Variants in ANK2 observed in about 807,000 individuals in gnomAD.
The protein encoded by ANK2 is ankyrin-2.
Under a neutral mutation model 360.5 loss-of-function variants are expected in ANK2, and 83 were observed. The ratio of observed to expected loss-of-function variants is 0.23; its 90% confidence interval spans 0.19 to 0.28. The LOEUF (loss-of-function observed/expected upper bound fraction) is 0.28. Ranked by LOEUF, ANK2 falls within the 10% of genes least tolerant of loss-of-function variation. ANK2 has a pLI of 1.00. For missense variants in ANK2, 4,201 were observed against 4,795.7 expected, an observed-to-expected ratio of 0.88 and a Z score of 3.66; for synonymous variants, 1,740 against 1,759.5, an observed-to-expected ratio of 0.99 and a Z score of 0.28.
At chr4:113,289,209 C>G (rs937046137) in intron 20 of ANK2, among the ~76,000 whole-genome samples, 1 of 117,484 alleles carries the variant, frequency 8.5e-6, no homozygotes, top group Non-Finnish European at 1.8e-5. Context: ...TCAGAAATTT[C>G]TTTTTCTTTT....
At position 113,336,743 on chromosome 4, in the gene ANK2, G is replaced by T. The variant is rs1258421684; in HGVS notation, c.3758G>T (p.Gly1253Val). 1.2e-6 allele frequency: 2 copies of T among 1,614,102 alleles called. No homozygotes were observed. The highest frequency in any genetic ancestry group is 2.7e-5 in the African/African-American group (2 of 75,020). ...SSDVMLNGFG[G>V]DAPTLRLLCS... ...GATGTCATGTTGAATGGTTTTGGGG[G>T]AGATGCACCAACCTTAAGATTACTA... Residue 1253 changes from glycine to valine, a missense_variant, in exon 31 of 46, where the codon GGA becomes GTA. By Grantham distance (109) the Gly-to-Val change is moderately radical. Coordinates refer to ENST00000357077, the MANE Select transcript of ANK2 (RefSeq NM_001148.6).
chr4:113,057,132 G>A (rs1387304834), intron 1 of ANK2, among the ~76,000 whole-genome samples: 1 of 152,082 alleles, frequency 6.6e-6, no homozygotes, highest in African/African-American at 2.4e-5. Context: ...ACACTTACAT[G>A]GAATTCATAA....
chr4:112,727,432 AT>A, the ANK2 span, among the ~76,000 whole-genome samples: 1 of 152,038 alleles, frequency 6.6e-6, no homozygotes, highest in Non-Finnish European at 1.5e-5. Context: ...AAAAGAACAA[AT>A]TAAGCCCAAA....
At chr4:112,860,373 C>T (rs921377676) in intron 1 of ANK2, among the ~76,000 whole-genome samples, 4 of 151,988 alleles carry the variant, frequency 2.6e-5, no homozygotes, top group Non-Finnish European at 4.4e-5. Flanking sequence ...ATTACAGGTG[C>T]GCGCCACCAT....
In ANK2 at chr4:113,067,140, G is replaced by T. The variant is rs1172909491; in HGVS notation, c.84+17328G>T. Among the ~76,000 whole-genome samples, 5 of 151,832 alleles carry T rather than the reference G, an allele frequency of 3.3e-5. No individual in the cohort carries two copies. The East Asian group carries it at 7.8e-4, about 24-fold the overall frequency. The stretch of plus-strand genomic sequence containing the variant: ...AAAAAGTGGGAAAACATGGCGAGAT[G>T]TTTTTTTGTCACTCTGGAGACTGCA... On this transcript the variant is annotated intron_variant, in intron 1 of 45. Transcript: ENST00000357077.
chr4:112,961,943 C>T (rs1410364000), intron 2 of ANK2, among the ~76,000 whole-genome samples: 1 of 152,028 alleles, frequency 6.6e-6, no homozygotes, highest in Non-Finnish European at 1.5e-5. Flanking sequence ...GGGATGGGGC[C>T]TGGGCCTAGG....
chr4:113,199,835 A>T (rs1003638082), intron 4 of ANK2, among the ~76,000 whole-genome samples: 1 of 152,024 alleles, frequency 6.6e-6, no homozygotes, highest in East Asian at 1.9e-4. Flanking sequence ...ATCATGGAGG[A>T]TATTAGCAAA....
chr4:113,187,124 G>A (rs1343902844), intron 2 of ANK2, among the ~76,000 whole-genome samples: 3 of 152,172 alleles, frequency 2.0e-5, no homozygotes, highest in Middle Eastern at 3.4e-3. Flanking sequence ...GCTGGAGTGG[G>A]CAGAGGGGAC....
At chr4:112,739,867 C>A in the ANK2 span, among the ~76,000 whole-genome samples, 1 of 152,038 alleles carries the variant, frequency 6.6e-6, no homozygotes, top group African/African-American at 2.4e-5. Flanking sequence ...CAAAAATTAG[C>A]CAGTCTGTAG....
intron 4 of ANK2, among the ~76,000 whole-genome samples, chr4:113,218,451 C>CCA (rs1554286198): frequency 7.4e-6 from 1 of 134,442 alleles, no homozygotes; most frequent in Non-Finnish European, 1.6e-5. Flanking sequence ...ATTAAATGAC[C>CCA]AAAAAAAAAA....
In ANK2 at chr4:113,369,613, G is replaced by A. The variant is rs2154066267; in HGVS notation, c.11418G>A (p.Glu3806=). 1.2e-6 allele frequency: 2 copies of A among 1,614,150 alleles called. No individual in the cohort carries two copies. The highest frequency in any genetic ancestry group is 2.2e-5 in the East Asian group (1 of 44,876). ...KTPEEVSTPA[E]EEKLYLQTPT... is the part of the protein sequence containing the mutation. ...CTGAGGAAGTTAGCACCCCTGCAGA[G>A]GAGGAGAAGCTGTACCTCCAGACCC... Residue 3806 remains glutamate, a synonymous_variant, in exon 43 of 46, where the codon GAG becomes GAA. Transcript: ENST00000357077.
intron 1 of ANK2, among the ~76,000 whole-genome samples, chr4:113,097,854 G>A (rs190371277): frequency 3.3e-5 from 3 of 91,272 alleles, no homozygotes; most frequent in Admixed American, 9.4e-5. Flanking sequence ...GTGTGTGTGT[G>A]TGTGTGTGTG....
intron 22 of ANK2, among the ~76,000 whole-genome samples, chr4:113,300,561 C>T (rs766821158): frequency 6.6e-6 from 1 of 152,144 alleles, no homozygotes; most frequent in East Asian, 1.9e-4. Context: ...ACACAGCACA[C>T]ACGATGCTCT....
intron 1 of ANK2, among the ~76,000 whole-genome samples, chr4:113,147,657 C>G (rs746373117): frequency 6.6e-6 from 1 of 152,126 alleles, no homozygotes; most frequent in African/African-American, 2.4e-5. Flanking sequence ...TAATACCAAG[C>G]ATGACTTAAG....
intron 1 of ANK2, among the ~76,000 whole-genome samples, chr4:112,879,482 T>G (rs1330349436): frequency 6.6e-6 from 1 of 152,182 alleles, no homozygotes; most frequent in Non-Finnish European, 1.5e-5. Context: ...ACTTGTAGTC[T>G]TGGCCTATGT....
At chr4:112,808,233 G>A in the ANK2 span, among the ~76,000 whole-genome samples, 6 of 152,206 alleles carry the variant, frequency 3.9e-5, no homozygotes, top group Non-Finnish European at 8.8e-5. Flanking sequence ...GGAGTCTTGA[G>A]TCCTTAGATC....
At chr4:113,347,446 C>T (rs991152146) in intron 35 of ANK2, among the ~76,000 whole-genome samples, 26 of 152,022 alleles carry the variant, frequency 1.7e-4, no homozygotes, top group African/African-American at 5.3e-4. Context: ...TGTACTGCTG[C>T]GGGCAAGCCA....
chr4:113,305,421 T>G (rs2076872884), intron 23 of ANK2, among the ~76,000 whole-genome samples: 1 of 152,058 alleles, frequency 6.6e-6, no homozygotes, highest in African/African-American at 2.4e-5. Flanking sequence ...GTACTTTCAT[T>G]ATTAAAAATG....
intron 2 of ANK2, among the ~76,000 whole-genome samples, chr4:112,991,552 C>A (rs568740982): frequency 1.3e-3 from 202 of 150,456 alleles, no homozygotes; most frequent in Non-Finnish European, 2.5e-3. Context: ...AATCAAATGG[C>A]TGTTCAGCCA....
Sources: gnomAD v4.1 joint callset for allele counts (sites outside exome capture counted in the v4.1 genomes callset) on GRCh38, gnomAD v4.1.1 for gene constraint, MANE v1.5 for transcripts, NCBI Gene and HGNC (gene_info 2026-07-23, HGNC 2026-07-21) for gene names.